Variants in GALNT5 observed in about 807,000 individuals in gnomAD.
The protein encoded by GALNT5 is UDP-GalNAc:polypeptide N-acetylgalactosaminyltransferase 5.
A neutral mutation model predicts 85.4 loss-of-function variants in GALNT5; 72 were observed. The ratio of observed to expected loss-of-function variants is 0.84; its 90% CI spans 0.70 to 1.03. The LOEUF (loss-of-function observed/expected upper bound fraction) is 1.03. Ranked by LOEUF, GALNT5 falls within the 50% of genes least tolerant of loss-of-function variation. The pLI, the probability that GALNT5 is intolerant of heterozygous loss-of-function variation, is 0.00. For missense variants in GALNT5, 1,137 were observed against 1,135.5 expected, an observed-to-expected ratio of 1.00 and a Z score of -0.02; for synonymous variants, 404 against 397.0, an observed-to-expected ratio of 1.02 and a Z score of -0.21.
chr2:157,261,457 A>G (rs781211595), intron 1 of GALNT5, among the ~76,000 whole-genome samples: 8 of 152,206 alleles, frequency 5.3e-5, no homozygotes, highest in Non-Finnish European at 7.3e-5. Context: ...GGTTGTCCCA[A>G]CTGTAGGAAA....
At chr2:157,261,541 A>G (rs1682340010) in intron 1 of GALNT5, among the ~76,000 whole-genome samples, 2 of 152,030 alleles carry the variant, frequency 1.3e-5, no homozygotes. Context: ...CACATAACCC[A>G]CCTTGGCTAA....
rs896439478 is a variant in GALNT5 at position 157,314,085 on chromosome 2, T to C, written c.*2737T>C. 6.6e-6 allele frequency: 1 copy of C among 152,124 alleles called. No homozygotes were observed. The highest frequency in any genetic ancestry group is 2.4e-5 in the African/African-American group (1 of 41,438). 9.4% of individuals were successfully genotyped at this position (152,124 alleles called of 1,614,324 possible). A position where few individuals can be genotyped will look rare whatever the true frequency, so the allele number is the denominator to read the frequency against. On this transcript the variant is annotated 3_prime_UTR_variant, in exon 10 of 10. Coordinates refer to ENST00000259056, the MANE Select transcript of GALNT5 (RefSeq NM_014568.3). ...AAGGTATACATGCTACTCGGTCTTCTGGTAATTCTAGTGATAAACCTTTGG... is the reference window on the plus strand; with the variant it reads ...AAGGTATACATGCTACTCGGTCTTCCGGTAATTCTAGTGATAAACCTTTGG...
Position 157,311,337 on chromosome 2 carries a change from T to G in GALNT5, c.2812T>G (p.Tyr938Asp), listed in dbSNP as rs1399702725. The part of the protein sequence containing the change: ...PYQKWKFEKY[Y>D]EA ...TCAAAAGTGGAAATTTGAAAAATAT[T>G]ATGAAGCCTGAAGTGTAACTGATGT... Residue 938 changes from tyrosine to aspartate, a missense_variant, in exon 10 of 10, where the codon TAT (tyrosine) becomes GAT (aspartate). Coordinates refer to ENST00000259056, the MANE Select transcript of GALNT5 (RefSeq NM_014568.3). The G allele has an allele frequency of 8.1e-6, 13 of 1,605,014 alleles. No individual in the cohort carries two copies. In the East Asian group the frequency reaches 2.9e-4, roughly 36 times the overall value.
In GALNT5 at chr2:157,258,485, C is replaced by T; in HGVS notation, c.403C>T (p.Leu135Phe). 1 of 1,608,016 alleles carries T rather than the reference C, an allele frequency of 6.2e-7. No homozygotes were observed. The highest frequency in any genetic ancestry group is 8.5e-7 in the Non-Finnish European group (1 of 1,178,070). The change falls in exon 1 of 10, where the codon CTC (leucine) becomes TTC (phenylalanine). Residue 135 changes from leucine to phenylalanine, a missense_variant. Leu to Phe is a conservative substitution (Grantham distance 22). Coordinates refer to ENST00000259056, the MANE Select transcript of GALNT5 (RefSeq NM_014568.3). ...GTGGCATCCTGCACATCTGCAGACC[C>T]TCCCTGTGACTCCTAACAAGCAGAA... ...PLWHPAHLQT[L>F]PVTPNKQKTD...
intron 5 of GALNT5, among the ~76,000 whole-genome samples, chr2:157,298,264 G>A (rs1207872950): frequency 1.3e-5 from 2 of 152,090 alleles, no homozygotes; most frequent in African/African-American, 4.8e-5. Context: ...AAAACACCTG[G>A]GTCTAGGGGC....
intron 1 of GALNT5, among the ~76,000 whole-genome samples, chr2:157,273,608 T>C (rs1265887532): frequency 1.2e-4 from 17 of 144,600 alleles, no homozygotes; most frequent in Middle Eastern, 3.6e-3. Context: ...AAATTTTTTA[T>C]TTGAAAACAG....
chr2:157,274,210 C>A (rs931010574), intron 1 of GALNT5, among the ~76,000 whole-genome samples: 2 of 152,192 alleles, frequency 1.3e-5, no homozygotes, highest in African/African-American at 4.8e-5. Context: ...TTTTCTTAAT[C>A]CATTCTATCA....
At chr2:157,299,514 T>A (rs200661098) in intron 5 of GALNT5, 34 bp from the exon 6 acceptor site, 293 of 1,254,804 alleles carry the variant, frequency 2.3e-4, no homozygotes, top group Non-Finnish European at 3.2e-4. Flanking sequence ...TTTCATGAGA[T>A]GCAAGTTTAA....
Position 157,258,322 on chromosome 2 carries a change from ACATGGGAAAGGGG to A in GALNT5, c.247_259del (p.Lys83AlafsTer51), listed in dbSNP as rs1478228574. 6.3e-7 allele frequency: 1 copy of A among 1,597,810 alleles called. No individual in the cohort carries two copies. Among genetic ancestry groups the A allele is most frequent in the Admixed American group, 1.8e-5 (1 of 57,002 alleles). On this transcript the variant is annotated frameshift_variant, in exon 1 of 10. Coordinates refer to ENST00000259056, the MANE Select transcript of GALNT5 (RefSeq NM_014568.3). LOFTEE classifies it high-confidence loss of function. ...AAGAGATGAAACCTCCCCTAAGGGGACATGGGAAAGGGGCATGGGGCAAAGAGAATGTTAGAAA... is the reference window on the plus strand; with the variant it reads ...AAGAGATGAAACCTCCCCTAAGGGGACATGGGGCAAAGAGAATGTTAGAAA...
rs1230896926 is a variant in GALNT5 at position 157,313,095 on chromosome 2, A to G, written c.*1747A>G. ...AAAACTGCAGATGAGTAAGAGAATG[A>G]CTAGGAAATGAGATACAGTTATATG... On this transcript the variant is annotated 3_prime_UTR_variant, in exon 10 of 10. Coordinates refer to ENST00000259056, the MANE Select transcript of GALNT5 (RefSeq NM_014568.3). 3 of 152,220 alleles carry G rather than the reference A, an allele frequency of 2.0e-5. No homozygotes were observed. The highest frequency in any genetic ancestry group is 7.2e-5 in the African/African-American group (3 of 41,472). The allele number at this position is 152,220 out of a possible 1,614,324, so 9.4% of individuals were successfully genotyped here.
chr2:157,259,070 G>T lies in GALNT5; in HGVS notation c.988G>T (p.Glu330Ter). The change falls in exon 1 of 10, where the codon GAG becomes TAG. Residue 330 changes from glutamate (E) to a stop codon, truncating the protein, a stop_gained. Coordinates refer to ENST00000259056, the MANE Select transcript of GALNT5 (RefSeq NM_014568.3). LOFTEE classifies it high-confidence loss of function. ...SHLVIITKEE[E>*]QKADPKEVSN... is the part of the protein sequence containing the mutation. Reference sequence around the variant, plus strand: ...TCTTGTGATTATAACCAAAGAGGAAGAGCAAAAGGCAGACCCCAAAGAGGT... The same window carrying T: ...TCTTGTGATTATAACCAAAGAGGAATAGCAAAAGGCAGACCCCAAAGAGGT... 2 of 1,475,204 alleles carry T rather than the reference G, an allele frequency of 1.4e-6. No homozygotes were observed. The highest frequency in any genetic ancestry group is 1.6e-5 in the South Asian group (1 of 62,886). 91.4% of individuals were successfully genotyped at this position (1,475,204 alleles called of 1,614,324 possible). A position where few individuals can be genotyped will look rare whatever the true frequency, so the allele number is the denominator to read the frequency against.
At chr2:157,271,216 G>T (rs541033591) in intron 1 of GALNT5, among the ~76,000 whole-genome samples, 1 of 152,324 alleles carries the variant, frequency 6.6e-6, no homozygotes, top group East Asian at 1.9e-4. Flanking sequence ...GGGAAGGGTA[G>T]CAAAAATGCT....
At position 157,312,167 on chromosome 2, in the gene GALNT5, A is replaced by G. The variant is rs140051928; in HGVS notation, c.*819A>G. 480 of 152,308 alleles carry G rather than the reference A, an allele frequency of 3.2e-3. 2 individuals are homozygous for G. The highest frequency in any genetic ancestry group is 0.011 in the African/African-American group (461 of 41,574). 9.4% of individuals were successfully genotyped at this position (152,308 alleles called of 1,614,324 possible). On this transcript the variant is annotated 3_prime_UTR_variant, in exon 10 of 10. Transcript: ENST00000259056. ...TTATAACACACTGTAGTAATCAAAA[A>G]TGCATTTAAGCATTGAATGCACTCT...
chr2:157,267,206 A>T (rs1189479380), intron 1 of GALNT5, among the ~76,000 whole-genome samples: 1 of 152,182 alleles, frequency 6.6e-6, no homozygotes, highest in East Asian at 1.9e-4. Flanking sequence ...AGTAAAAAGG[A>T]TGATCCATTG....
chr2:157,311,197 T>C lies in GALNT5; in HGVS notation c.2683-11T>C. Reference sequence around the variant, plus strand: ...GCCTGTGGCTCATTCCCAGCTCTTCTTTCTCTCCAGGTGAATCACATTGTT... The same window carrying C: ...GCCTGTGGCTCATTCCCAGCTCTTCCTTCTCTCCAGGTGAATCACATTGTT... On this transcript the variant is annotated splice_polypyrimidine_tract_variant and intron_variant, in intron 9 of 9. Transcript: ENST00000259056. The C allele has an allele frequency of 1.2e-6, 2 of 1,603,984 alleles. No homozygotes were observed. Among genetic ancestry groups the C allele is most frequent in the South Asian group, 1.1e-5 (1 of 89,676 alleles).
intron 1 of GALNT5, among the ~76,000 whole-genome samples, chr2:157,274,508 T>A (rs780896164): frequency 2.2e-4 from 33 of 152,254 alleles, no homozygotes; most frequent in Admixed American, 7.2e-4. Context: ...CCTGACTTTT[T>A]AATGATCACC....
At chr2:157,269,667 C>T (rs576537692) in intron 1 of GALNT5, among the ~76,000 whole-genome samples, 1 of 152,126 alleles carries the variant, frequency 6.6e-6, no homozygotes, top group South Asian at 2.1e-4. Context: ...GAGGTGTCTT[C>T]CCCAAATCTC....
intron 8 of GALNT5, among the ~76,000 whole-genome samples, chr2:157,307,424 A>T (rs10190566): frequency 2.0e-5 from 3 of 152,086 alleles, no homozygotes; most frequent in Non-Finnish European, 4.4e-5. Flanking sequence ...CCTTTAAAGC[A>T]GTTGAAACGT....
intron 9 of GALNT5, among the ~76,000 whole-genome samples, chr2:157,309,723 C>A (rs934612148): frequency 2.0e-5 from 3 of 152,174 alleles, no homozygotes; most frequent in Non-Finnish European, 4.4e-5. Context: ...CTGCTCAGAG[C>A]CAAAACTGGG....
Sources: allele counts gnomAD v4.1 joint callset (sites outside exome capture counted in the v4.1 genomes callset), GRCh38; gene constraint gnomAD v4.1.1; transcripts MANE v1.5; gene names NCBI Gene and HGNC (gene_info 2026-07-23, HGNC 2026-07-21).